RGS6: variants seen among roughly 807,000 people sequenced by gnomAD.
The protein encoded by RGS6 is regulator of G-protein signaling 6.
Under a neutral mutation model 78.5 loss-of-function variants are expected in RGS6, and 30 were observed. That is an observed-to-expected ratio of 0.38 (90% CI 0.29 to 0.52). The LOEUF is 0.52. Ranked by LOEUF, RGS6 falls within the 20% of genes least tolerant of loss-of-function variation. The pLI is 0.85. For synonymous variants in RGS6, 206 were observed against 206.0 expected (o/e 1.00, Z 0.00); for missense variants, 495 against 609.7 (o/e 0.81, Z 1.98).
At chr14:72,124,440 A>G (rs2096136783) in intron 2 of RGS6, among the ~76,000 whole-genome samples, 1 of 152,182 alleles carries the variant, frequency 6.6e-6, no homozygotes, top group Non-Finnish European at 1.5e-5. Context: ...GTAAAGACTT[A>G]TTATGTGAAA....
the RGS6 span, among the ~76,000 whole-genome samples, chr14:72,576,023 A>G: frequency 6.6e-6 from 1 of 152,324 alleles, no homozygotes; most frequent in African/African-American, 2.4e-5. Flanking sequence ...CTGCCTCACA[A>G]GCAAGACAAT....
intron 1 of RGS6, among the ~76,000 whole-genome samples, chr14:71,947,130 G>A (rs979654635): frequency 6.6e-6 from 1 of 152,090 alleles, no homozygotes; most frequent in Non-Finnish European, 1.5e-5. Context: ...ATGCACAAGG[G>A]CACTCCTCCA....
At chr14:72,131,533 G>A (rs72719844) in intron 2 of RGS6, among the ~76,000 whole-genome samples, 3 of 152,102 alleles carry the variant, frequency 2.0e-5, no homozygotes, top group Non-Finnish European at 4.4e-5. Flanking sequence ...GGATAGTTTT[G>A]TCTCCCTGTC....
At chr14:72,399,288 G>C (rs527692214) in intron 3 of RGS6, among the ~76,000 whole-genome samples, 2 of 152,086 alleles carry the variant, frequency 1.3e-5, no homozygotes, top group Admixed American at 6.6e-5. Flanking sequence ...ATTATGTAAT[G>C]GCCTTCTTTG....
the RGS6 span, among the ~76,000 whole-genome samples, chr14:72,590,189 G>T: frequency 6.6e-6 from 1 of 152,210 alleles, no homozygotes; most frequent in Non-Finnish European, 1.5e-5. Context: ...ATTGCTGGTG[G>T]GAGTTTAAAG....
At chr14:72,514,530 G>A (rs899001060) in intron 14 of RGS6, among the ~76,000 whole-genome samples, 11 of 152,304 alleles carry the variant, frequency 7.2e-5, no homozygotes, top group African/African-American at 1.2e-4. Flanking sequence ...CCACTGCTTC[G>A]CCCCAGTGGT....
rs386364170 is a variant in RGS6 at position 72,312,225 on chromosome 14, GTTT to G, written c.85-39854_85-39852del. On this transcript the variant is annotated intron_variant, in intron 2 of 17. Transcript: ENST00000553525. ...AGTTGCTTACATTGGCTGAGAAATTGTTTTTTTTTTTTTTTTTTGGTACTCAGC... is the reference window on the plus strand; with the variant it reads ...AGTTGCTTACATTGGCTGAGAAATTGTTTTTTTTTTTTTTTGGTACTCAGC... 5.6e-3 allele frequency among the ~76,000 whole-genome samples: 716 copies of G among 128,886 alleles called. 7 individuals are homozygous for G. Among genetic ancestry groups the G allele is most frequent in the African/African-American group, 0.015 (528 of 35,198 alleles). 84.6% of individuals were successfully genotyped at this position (128,886 alleles called of 152,430 possible).
intron 1 of RGS6, among the ~76,000 whole-genome samples, chr14:71,955,129 G>GGA (rs1280624383): frequency 3.9e-5 from 6 of 152,256 alleles, no homozygotes; most frequent in Non-Finnish European, 7.4e-5. Flanking sequence ...CCCCCCAAGG[G>GGA]TCCTTGTTTT....
intron 3 of RGS6, among the ~76,000 whole-genome samples, chr14:72,422,729 G>A (rs928918944): frequency 6.6e-6 from 1 of 152,218 alleles, no homozygotes; most frequent in Non-Finnish European, 1.5e-5. Context: ...GGTGACAGAT[G>A]TGGGGGAATT....
At chr14:72,458,423 A>G (rs770618204) in intron 5 of RGS6, 46 bp downstream of exon 5, 16 of 1,370,902 alleles carry the variant, frequency 1.2e-5, no homozygotes, top group Non-Finnish European at 1.4e-5. Context: ...TCTTCACAAC[A>G]TCATCTGATC....
chr14:72,532,382 C>T (rs186147067), intron 15 of RGS6, among the ~76,000 whole-genome samples: 9 of 152,340 alleles, frequency 5.9e-5, no homozygotes, highest in Admixed American at 5.9e-4. Flanking sequence ...TCCCCCATCT[C>T]TTTCCCTCTC....
chr14:72,076,686 G>A (rs962381907), intron 2 of RGS6, among the ~76,000 whole-genome samples: 5 of 152,096 alleles, frequency 3.3e-5, no homozygotes, highest in African/African-American at 9.6e-5. Context: ...GTGCCATCAT[G>A]CCAGCTGAGT....
chr14:71,872,551 A>G, the RGS6 span, among the ~76,000 whole-genome samples: 1 of 152,202 alleles, frequency 6.6e-6, no homozygotes, highest in Non-Finnish European at 1.5e-5. Flanking sequence ...CTCCAACTGC[A>G]TAGAACTCTA....
intron 3 of RGS6, among the ~76,000 whole-genome samples, chr14:72,408,292 T>C (rs1307360730): frequency 6.6e-6 from 1 of 152,166 alleles, no homozygotes; most frequent in Non-Finnish European, 1.5e-5. Context: ...TCTACTAGTT[T>C]TTCCAATTGT....
Position 72,071,564 on chromosome 14 carries a change from T to A in RGS6, c.84+106689T>A, listed in dbSNP as rs191541353. ...GCTCCATGTCCTTACCAATTCTTAG[T>A]ATTGTCAGGTTTCTTAATTCTTGCC... is the stretch of plus-strand genomic sequence containing the variant. On this transcript the variant is annotated intron_variant, in intron 2 of 17. Transcript: ENST00000553525. 4.3e-4 allele frequency among the ~76,000 whole-genome samples: 65 copies of A among 152,366 alleles called. 1 individual carries two copies. The highest frequency in any genetic ancestry group is 4.1e-3 in the Admixed American group (63 of 15,302).
At chr14:72,480,519 G>T (rs893341581) in intron 12 of RGS6, among the ~76,000 whole-genome samples, 3 of 152,290 alleles carry the variant, frequency 2.0e-5, no homozygotes, top group Middle Eastern at 3.4e-3. Context: ...GCAGAGGCTG[G>T]ATTTTATTCC....
chr14:72,615,225 G>A, the RGS6 span, among the ~76,000 whole-genome samples: 1 of 152,092 alleles, frequency 6.6e-6, no homozygotes, highest in African/African-American at 2.4e-5. Flanking sequence ...CCCGCCCTGG[G>A]CCACGGGCGG....
chr14:72,166,093 G>GAC (rs3055029), intron 2 of RGS6, among the ~76,000 whole-genome samples: 12,684 of 107,610 alleles, frequency 0.12, 524 homozygotes, highest in Middle Eastern at 0.18. Context: ...CCATTTTTGA[G>GAC]ACACACACAC....
chr14:72,114,612 G>C (rs970367573), intron 2 of RGS6, among the ~76,000 whole-genome samples: 9 of 152,144 alleles, frequency 5.9e-5, no homozygotes, highest in Admixed American at 5.9e-4. Flanking sequence ...AAAATGGTGC[G>C]GGAGTTACCC....
Sources: gnomAD v4.1 joint callset for allele counts (sites outside exome capture counted in the v4.1 genomes callset) on GRCh38, gnomAD v4.1.1 for gene constraint, MANE v1.5 for transcripts, NCBI Gene and HGNC (gene_info 2026-07-23, HGNC 2026-07-21) for gene names.